Variants in NRDC observed in about 807,000 individuals in gnomAD.
NRDC encodes nardilysin convertase.
NRDC carries 54 observed loss-of-function variants against 147.1 expected under a neutral mutation model. That is an observed-to-expected ratio of 0.37 (90% CI 0.29 to 0.46). The LOEUF (loss-of-function observed/expected upper bound fraction) is 0.46, where lower values mean the gene tolerates loss of function less well. NRDC is among the 20% of genes least tolerant of loss of function. NRDC has a pLI of 1.00. For synonymous variants in NRDC, 440 were observed against 482.1 expected, an observed-to-expected ratio of 0.91 and a Z score of 1.14; for missense variants, 1,082 against 1,370.6, an observed-to-expected ratio of 0.79 and a Z score of 3.33.
chr1:51,824,142 A>T (rs1353366904), intron 6 of NRDC, among the ~76,000 whole-genome samples: 5 of 134,404 alleles, frequency 3.7e-5, no homozygotes, highest in East Asian at 2.2e-4. Flanking sequence ...TTTTTTTTTT[A>T]AAGACGGAGT....
intron 1 of NRDC, among the ~76,000 whole-genome samples, chr1:51,864,886 G>A (rs754179279): frequency 6.6e-6 from 1 of 151,384 alleles, no homozygotes; most frequent in Admixed American, 6.6e-5. Context: ...GGAGGCAGAG[G>A]TTGCAGTGAG....
intron 26 of NRDC, 79 bp from the exon 27 acceptor site, chr1:51,791,740 G>C (rs1678667948): frequency 8.4e-7 from 1 of 1,183,774 alleles, no homozygotes; most frequent in Non-Finnish European, 1.2e-6. Flanking sequence ...ATAGGAGTGG[G>C]AAAAGTTTCT....
At chr1:51,819,653 A>C in intron 9 of NRDC, 147 bp downstream of exon 9, 1 of 609,164 alleles carries the variant, frequency 1.6e-6, no homozygotes, top group East Asian at 2.9e-5. Flanking sequence ...ATTATTAATT[A>C]GATCTCCATT....
chr1:51,810,248 C>G (rs1323534185), intron 16 of NRDC, 33 bp downstream of exon 16: 2 of 1,505,220 alleles, frequency 1.3e-6, no homozygotes, highest in African/African-American at 2.8e-5. Context: ...GTTAAATATA[C>G]CTAAATGTAA....
chr1:51,818,533 A>G (rs962619719), intron 9 of NRDC, among the ~76,000 whole-genome samples: 1 of 152,242 alleles, frequency 6.6e-6, no homozygotes, highest in African/African-American at 2.4e-5. Flanking sequence ...GTTTACTCAT[A>G]GTAAAATGAG....
intron 9 of NRDC, 49 bp downstream of exon 9, chr1:51,819,751 G>T: frequency 7.0e-7 from 1 of 1,421,788 alleles, no homozygotes; most frequent in Non-Finnish European, 9.8e-7. Flanking sequence ...AGGTTATAGA[G>T]AATGTGCTAA....
intron 1 of NRDC, 130 bp from the exon 2 acceptor site, chr1:51,840,644 T>G (rs1681224761): frequency 3.1e-6 from 2 of 645,810 alleles, no homozygotes; most frequent in African/African-American, 1.8e-5. Flanking sequence ...CACAACTATT[T>G]GTAAACTAAT....
rs866357091 is a variant in NRDC, at chr1:51,797,086, G to A, written c.2604+1163C>T. 2.0e-5 allele frequency among the ~76,000 whole-genome samples: 3 copies of A among 151,974 alleles called. No individual in the cohort carries two copies. The South Asian group carries it at 6.2e-4, about 32-fold the overall frequency. ...GAGGTGGCAGGTGCCTGTAGTCCCA[G>A]CTACTTGGGAGGCTGAGGCAGGAGA... On this transcript the variant is annotated intron_variant, in intron 22 of 30. Transcript: ENST00000352171.
At chr1:51,874,001 C>A (rs1683208091) in intron 1 of NRDC, among the ~76,000 whole-genome samples, 1 of 151,016 alleles carries the variant, frequency 6.6e-6, no homozygotes, top group African/African-American at 2.4e-5. Flanking sequence ...CCAGCCTGGG[C>A]AACTTGGTGA....
At chr1:51,878,108 C>A in intron 1 of NRDC, 167 bp downstream of exon 1, 1 of 1,426,264 alleles carries the variant, frequency 7.0e-7, no homozygotes, top group South Asian at 1.5e-5. Flanking sequence ...CAGCTGACAC[C>A]ACAGGGAAGC....
At position 51,792,635 on chromosome 1, in the gene NRDC, C is replaced by T. The variant is rs915358097; in HGVS notation, c.2776-211G>A. Among the ~76,000 whole-genome samples, 36 of 152,106 alleles carry T rather than the reference C, an allele frequency of 2.4e-4. 1 individual carries two copies. The highest frequency in any genetic ancestry group is 8.8e-5 in the Non-Finnish European group (6 of 68,026). ...AGTCATGCTTGACCATTTGTACTCC[C>T]GGCACTAGCATAGAATTGCAGGTGC... On this transcript the variant is annotated intron_variant, in intron 24 of 30. Transcript: ENST00000352171.
intron 29 of NRDC, chr1:51,789,889 A>C: frequency 1.8e-6 from 1 of 544,906 alleles, no homozygotes; most frequent in East Asian, 3.2e-5. Flanking sequence ...CAGATGCTAT[A>C]ATTACAGCTA....
At chr1:51,861,238 C>G (rs553105869) in intron 1 of NRDC, among the ~76,000 whole-genome samples, 2,563 of 147,556 alleles carry the variant, frequency 0.017, 76 homozygotes, top group African/African-American at 0.061. Context: ...GCGTGAGCCA[C>G]TGCACCCGGC....
chr1:51,831,201 C>G (rs1680690947), intron 4 of NRDC, among the ~76,000 whole-genome samples: 1 of 152,138 alleles, frequency 6.6e-6, no homozygotes, highest in African/African-American at 2.4e-5. Flanking sequence ...TAAAAGGAAA[C>G]AAAACAAATT....
chr1:51,837,078 G>A (rs1056177512), intron 2 of NRDC, among the ~76,000 whole-genome samples: 1 of 151,332 alleles, frequency 6.6e-6, no homozygotes. Context: ...CACTGCACCC[G>A]AACTATTGGG....
intron 4 of NRDC, among the ~76,000 whole-genome samples, chr1:51,833,270 G>A (rs1313557832): frequency 1.3e-5 from 2 of 152,000 alleles, no homozygotes; most frequent in Non-Finnish European, 2.9e-5. Flanking sequence ...AAACCAGCCT[G>A]GGCAATACAG....
At chr1:51,817,871 A>C (rs1420533291) in intron 10 of NRDC, among the ~76,000 whole-genome samples, 195 bp downstream of exon 10, 1 of 152,254 alleles carries the variant, frequency 6.6e-6, no homozygotes, top group Non-Finnish European at 1.5e-5. Context: ...ACTATAACTG[A>C]GAAAGCTCTA....
At chr1:51,877,403 G>C (rs1208739136) in intron 1 of NRDC, among the ~76,000 whole-genome samples, 1 of 152,144 alleles carries the variant, frequency 6.6e-6, no homozygotes, top group African/African-American at 2.4e-5. Flanking sequence ...GCTCACGCCT[G>C]TAATCCCAGT....
At chr1:51,857,089 C>T (rs1407450970) in intron 1 of NRDC, among the ~76,000 whole-genome samples, 2 of 152,086 alleles carry the variant, frequency 1.3e-5, no homozygotes, top group Non-Finnish European at 2.9e-5. Flanking sequence ...ATATATATAA[C>T]ATCTGTTAAA....
Sources: allele counts gnomAD v4.1 joint callset (sites outside exome capture counted in the v4.1 genomes callset), GRCh38; gene constraint gnomAD v4.1.1; transcripts MANE v1.5; gene names NCBI Gene and HGNC (gene_info 2026-07-23, HGNC 2026-07-21).